The following PTPRM variants were observed in gnomAD, a reference collection of about 807,000 sequenced individuals.
PTPRM encodes receptor-type tyrosine-protein phosphatase mu.
Under a neutral mutation model 186.7 loss-of-function variants are expected in PTPRM, and 47 were observed. That is an observed-to-expected ratio of 0.25 (90% CI 0.20 to 0.32). The LOEUF (loss-of-function observed/expected upper bound fraction) is 0.32. Among genes scored for constraint, PTPRM ranks in the 10% least tolerant of loss-of-function variants. The pLI is 1.00. For synonymous variants in PTPRM, 668 were observed against 674.9 expected, an observed-to-expected ratio of 0.99 and a Z score of 0.16; for missense variants, 1,494 against 1,865.0, an observed-to-expected ratio of 0.80 and a Z score of 3.66.
intron 7 of PTPRM, among the ~76,000 whole-genome samples, chr18:8,029,972 T>C (rs1422588137): frequency 6.6e-6 from 1 of 152,206 alleles, no homozygotes; most frequent in Non-Finnish European, 1.5e-5. Context: ...ACTGATGTTA[T>C]CCTTGCCCAG....
intron 7 of PTPRM, among the ~76,000 whole-genome samples, chr18:8,062,965 T>A (rs2088690316): frequency 6.7e-6 from 1 of 148,212 alleles, no homozygotes; most frequent in Non-Finnish European, 1.5e-5. Flanking sequence ...GCAGGCCTCC[T>A]AGAGCTGTGG....
In PTPRM at chr18:7,639,667, C is replaced by T. The variant is rs145151536; in HGVS notation, c.73+71776C>T. Among the ~76,000 whole-genome samples, 65 of 152,336 alleles carry T rather than the reference C, an allele frequency of 4.3e-4. 1 individual carries two copies. In the East Asian group the frequency reaches 0.012, roughly 28 times the overall value. ...TTGGCCTCCCAAAGTGCTGGGATTA[C>T]AGGCTTGAGCCACCGCTCTCGGCCT... is the stretch of plus-strand genomic sequence containing the variant. On this transcript the variant is annotated intron_variant, in intron 1 of 32. Transcript: ENST00000580170.
chr18:8,159,933 TATA>T (rs1368932050), intron 14 of PTPRM, among the ~76,000 whole-genome samples: 1 of 110,462 alleles, frequency 9.1e-6, no homozygotes, highest in Non-Finnish European at 2.1e-5. Flanking sequence ...GTGTAGATAT[TATA>T]ATGGACAGAC....
chr18:8,143,373 A>T (rs571644801), intron 13 of PTPRM, among the ~76,000 whole-genome samples: 5 of 142,742 alleles, frequency 3.5e-5, no homozygotes, highest in Admixed American at 6.9e-5. Flanking sequence ...ATATTTTTCT[A>T]AAAAAAAAAT....
chr18:8,401,733 G>T (rs534995064), intron 32 of PTPRM, among the ~76,000 whole-genome samples: 3 of 152,236 alleles, frequency 2.0e-5, no homozygotes, highest in African/African-American at 7.2e-5. Context: ...CCCCAGTGCC[G>T]CCCGCTGGTG....
At chr18:8,181,645 G>T (rs2093576449) in intron 14 of PTPRM, among the ~76,000 whole-genome samples, 1 of 152,204 alleles carries the variant, frequency 6.6e-6, no homozygotes, top group African/African-American at 2.4e-5. Flanking sequence ...CATCTTAGAA[G>T]AGTAAAATCG....
Position 7,651,479 on chromosome 18 carries a change from T to C in PTPRM, c.73+83588T>C, listed in dbSNP as rs1043215435. ...AGCCAAAAGAACAAAGCTGGAGGCA[T>C]CATGCTACCTGACTTCAAACTATGC... On this transcript the variant is annotated intron_variant, in intron 1 of 32. Transcript: ENST00000580170. 3.3e-5 allele frequency among the ~76,000 whole-genome samples: 5 copies of C among 152,182 alleles called. No homozygotes were observed. In the South Asian group the frequency reaches 1.0e-3, roughly 31 times the overall value.
At chr18:7,652,431 C>G (rs1255535423) in intron 1 of PTPRM, among the ~76,000 whole-genome samples, 1 of 152,064 alleles carries the variant, frequency 6.6e-6, no homozygotes, top group African/African-American at 2.4e-5. Flanking sequence ...ATAAATCATG[C>G]TGCTATAAAG....
intron 11 of PTPRM, among the ~76,000 whole-genome samples, chr18:8,099,138 T>TC (rs1568338543): frequency 2.6e-5 from 4 of 151,380 alleles, no homozygotes; most frequent in African/African-American, 7.3e-5. Flanking sequence ...CCACAGTCTC[T>TC]TTCTCTCTCT....
chr18:8,286,375 G>T (rs1420991635), intron 19 of PTPRM, among the ~76,000 whole-genome samples: 1 of 152,194 alleles, frequency 6.6e-6, no homozygotes, highest in Admixed American at 6.5e-5. Flanking sequence ...CCCAAGGGTG[G>T]CTGGAACCAC....
At chr18:8,114,934 G>C in intron 13 of PTPRM, 107 bp downstream of exon 13, 1 of 827,196 alleles carries the variant, frequency 1.2e-6, no homozygotes, top group Non-Finnish European at 1.9e-6. Context: ...AATAAAATGT[G>C]TGTATTATAT....
chr18:8,141,019 G>A (rs1385698905), intron 13 of PTPRM, among the ~76,000 whole-genome samples: 3 of 152,102 alleles, frequency 2.0e-5, no homozygotes, highest in African/African-American at 4.8e-5. Flanking sequence ...TCCAAGGCCC[G>A]CTGACAGGTC....
At chr18:7,822,449 A>G (rs1229904973) in intron 2 of PTPRM, among the ~76,000 whole-genome samples, 2 of 152,190 alleles carry the variant, frequency 1.3e-5, no homozygotes, top group East Asian at 1.9e-4. Context: ...TACTTTCTAT[A>G]CTATGAACTT....
intron 5 of PTPRM, among the ~76,000 whole-genome samples, chr18:7,938,886 T>G (rs1010031994): frequency 5.3e-5 from 8 of 152,214 alleles, no homozygotes; most frequent in African/African-American, 1.9e-4. Context: ...TGTCAATATA[T>G]ATTGCTAGCA....
chr18:7,839,751 G>A (rs551538279), intron 2 of PTPRM, among the ~76,000 whole-genome samples: 15 of 152,252 alleles, frequency 9.9e-5, no homozygotes, highest in African/African-American at 3.6e-4. Flanking sequence ...GCCCAGTTCA[G>A]CACTAGGCCT....
At chr18:8,341,689 C>CCA (rs1555879300) in intron 22 of PTPRM, among the ~76,000 whole-genome samples, 2 of 151,800 alleles carry the variant, frequency 1.3e-5, no homozygotes, top group East Asian at 1.9e-4. Context: ...GAAGCCCCCC[C>CCA]CCCTTTGATT....
Position 8,247,872 on chromosome 18 carries a change from T to G in PTPRM, c.2480T>G (p.Met827Arg), listed in dbSNP as rs764901041. 1.2e-6 allele frequency: 2 copies of G among 1,606,798 alleles called. No homozygotes were observed. The highest frequency in any genetic ancestry group is 1.7e-6 in the Non-Finnish European group (2 of 1,173,318). Reference sequence around the variant, plus strand: ...GTGTCTTCACCATCGTCCTTCACAATGAAAACAAATACACTGAGCACATCG... The same window carrying G: ...GTGTCTTCACCATCGTCCTTCACAAGGAAAACAAATACACTGAGCACATCG... Reference protein sequence around the residue: ...RSVSSPSSFTMKTNTLSTSVP... With the variant: ...RSVSSPSSFTRKTNTLSTSVP... Residue 827 changes from methionine (M) to arginine (R), a missense_variant, in exon 16 of 33, where the codon ATG becomes AGG. Around this residue, in one of 3 missense-constraint regions of PTPRM, gnomAD observed 1,107 missense variants for 1,350.2 expected, o/e 0.82. Transcript: ENST00000580170.
At chr18:7,755,693 GC>G (rs1411397368) in intron 1 of PTPRM, among the ~76,000 whole-genome samples, 1 of 152,308 alleles carries the variant, frequency 6.6e-6, no homozygotes, top group East Asian at 1.9e-4. Flanking sequence ...GCATAGCCAA[GC>G]CTTTTATTTA....
intron 20 of PTPRM, 139 bp downstream of exon 20, chr18:8,296,594 G>A (rs755306928): frequency 2.2e-5 from 13 of 592,768 alleles, no homozygotes; most frequent in East Asian, 5.8e-5. Flanking sequence ...GTTAACGCTC[G>A]TACTAAAGAA....
Sources: allele counts gnomAD v4.1 joint callset (sites outside exome capture counted in the v4.1 genomes callset), GRCh38; gene constraint gnomAD v4.1.1; regional missense constraint gnomAD v4.1.1; transcripts MANE v1.5; gene names NCBI Gene and HGNC (gene_info 2026-07-23, HGNC 2026-07-21).